Variants in ZNF432 observed in about 807,000 individuals in gnomAD.
ZNF432 encodes the protein zinc finger protein 432.
In ZNF432, 10 loss-of-function variants were observed where a neutral mutation model predicts 13.9. The observed-to-expected ratio is 0.72, with a 90% confidence interval of 0.44 to 1.22. The LOEUF is 1.22. ZNF432 is among the 50% of genes most tolerant of loss of function. The pLI is 0.00. For missense variants in ZNF432, 793 were observed against 796.2 expected (o/e 1.00, Z 0.05); for synonymous variants, 247 against 256.2 (o/e 0.96, Z 0.34).
At chr19:52,048,184 A>ACACACACACACACACACAC (rs1568525403) in intron 1 of ZNF432, among the ~76,000 whole-genome samples, 35 of 56,098 alleles carry the variant, frequency 6.2e-4, no homozygotes, top group African/African-American at 1.2e-3. Context: ...CACACACACA[A>ACACACACACACACACACAC]AACCAGCCAG....
Position 52,035,364 on chromosome 19 carries a change from A to T in ZNF432, c.315T>A (p.His105Gln). 1 of 1,610,072 alleles carries T rather than the reference A, an allele frequency of 6.2e-7. No individual in the cohort carries two copies. Among genetic ancestry groups the T allele is most frequent in the South Asian group, 1.1e-5 (1 of 89,778 alleles). Residue 105 changes from histidine to glutamine, a missense_variant, in exon 5 of 5, where the codon CAT becomes CAA. Coordinates refer to ENST00000221315, the MANE Select transcript of ZNF432 (RefSeq NM_014650.4). ...CAGTATTTCCAAATGCATTATGTTC[A>T]TGGTATTGTTCCACACTCTTCAGCA... ...QRMLKSVEQYHEHNAFGNTAS... is the reference protein window; with the variant it reads ...QRMLKSVEQYQEHNAFGNTAS...
chr19:52,046,007 C>CA (rs201110474), intron 2 of ZNF432, among the ~76,000 whole-genome samples: 21,152 of 86,808 alleles, frequency 0.24, 2,117 homozygotes, highest in African/African-American at 0.38. Flanking sequence ...AAACAAAAAC[C>CA]AAAAAAAAAA....
chr19:52,045,386 C>A (rs1454184161), intron 2 of ZNF432, among the ~76,000 whole-genome samples: 1 of 101,696 alleles, frequency 9.8e-6, no homozygotes, highest in Non-Finnish European at 1.8e-5. Context: ...GACGGAGTTT[C>A]GCTCTTGTTG....
chr19:52,042,112 T>G (rs1455542138), intron 2 of ZNF432, among the ~76,000 whole-genome samples: 1 of 152,198 alleles, frequency 6.6e-6, no homozygotes, highest in Non-Finnish European at 1.5e-5. Context: ...GAAACATACA[T>G]TAAATATATA....
chr19:52,043,830 G>A (rs1419113950), intron 2 of ZNF432, among the ~76,000 whole-genome samples: 1 of 152,168 alleles, frequency 6.6e-6, no homozygotes, highest in African/African-American at 2.4e-5. Flanking sequence ...ATGATGCAAA[G>A]ACCTTTGTTC....
Position 52,040,514 on chromosome 19 carries a change from T to C in ZNF432, c.212A>G (p.Asp71Gly). Residue 71 changes from aspartate (D) to glycine (G), a missense_variant, in exon 4 of 5, where the codon GAT (aspartate) becomes GGT (glycine). Coordinates refer to ENST00000221315, the MANE Select transcript of ZNF432 (RefSeq NM_014650.4). ...ERGEEPWTME[D>G]ERHSRICPEN... ...TGGACAGATTCGACTGTGCCTTTCA[T>C]CTTCCATTGTCCATGGTTCTTCTCC... 1 of 1,614,174 alleles carries C rather than the reference T, an allele frequency of 6.2e-7. No individual in the cohort carries two copies. Among genetic ancestry groups the C allele is most frequent in the East Asian group, 2.2e-5 (1 of 44,870 alleles).
rs2087192599 is a variant in ZNF432, at chr19:52,047,158, G to A, written c.-192-98C>T. On this transcript the variant is annotated intron_variant, in intron 1 of 4. Coordinates refer to ENST00000221315, the MANE Select transcript of ZNF432 (RefSeq NM_014650.4). ...GTTCTCTCAAACCAAGGAAACACAA[G>A]ACCCTCAATGTAGGCCAAATGCCTT... The A allele has an allele frequency of 7.4e-6, 3 of 406,586 alleles. No individual in the cohort carries two copies. The South Asian group carries it at 2.5e-4, about 34-fold the overall frequency. 25.2% of individuals were successfully genotyped at this position (406,586 alleles called of 1,614,324 possible).
At chr19:52,040,421 A>G in intron 4 of ZNF432, 67 bp downstream of exon 4, 1 of 1,377,228 alleles carries the variant, frequency 7.3e-7, no homozygotes, top group Middle Eastern at 1.8e-4. Context: ...CTGTGTCCTC[A>G]GACACCCACA....
Position 52,035,340 on chromosome 19 carries a change from A to G in ZNF432, c.339T>C (p.Thr113=). ...GACAAAGGCTTTTGGTTTGAGAGGCAGTATTTCCAAATGCATTATGTTCAT... is the reference window on the plus strand; with the variant it reads ...GACAAAGGCTTTTGGTTTGAGAGGCGGTATTTCCAAATGCATTATGTTCAT... ...QYHEHNAFGN[T]ASQTKSLCLF... is the part of the protein sequence containing the mutation. Residue 113 remains threonine, a synonymous_variant, in exon 5 of 5, where the codon ACT becomes ACC. Transcript: ENST00000221315. 2 of 1,612,548 alleles carry G rather than the reference A, an allele frequency of 1.2e-6. No individual in the cohort carries two copies. Among genetic ancestry groups the G allele is most frequent in the Non-Finnish European group, 1.7e-6 (2 of 1,179,640 alleles).
Position 52,033,810 on chromosome 19 carries a change from T to G in ZNF432, c.1869A>C (p.Lys623Asn). ...IVHQRTHTGE[K>N]PFVCSECRKA... ...TTCTACATTCACTGCATACAAAGGG[T>G]TTCTCTCCTGTATGAGTTCGTTGAT... The change falls in exon 5 of 5, where the codon AAA (lysine) becomes AAC (asparagine). Residue 623 changes from lysine to asparagine, a missense_variant. Lys to Asn is a moderately conservative substitution (Grantham distance 94, BLOSUM62 0). Coordinates refer to ENST00000221315, the MANE Select transcript of ZNF432 (RefSeq NM_014650.4). 6.2e-7 allele frequency: 1 copy of G among 1,613,780 alleles called. No homozygotes were observed. Among genetic ancestry groups the G allele is most frequent in the Non-Finnish European group, 8.5e-7 (1 of 1,179,942 alleles).
intron 1 of ZNF432, among the ~76,000 whole-genome samples, chr19:52,047,667 A>G (rs1227659853): frequency 6.8e-6 from 1 of 146,542 alleles, no homozygotes; most frequent in Non-Finnish European, 1.5e-5. Context: ...GCAAGACTCC[A>G]TCTCAAAAAA....
At chr19:52,044,336 A>G (rs1015633784) in intron 2 of ZNF432, among the ~76,000 whole-genome samples, 4 of 152,168 alleles carry the variant, frequency 2.6e-5, no homozygotes, top group South Asian at 2.1e-4. Context: ...AACCTGTGGA[A>G]GCAGAAGCAA....
chr19:52,044,335 A>T (rs1005545590), intron 2 of ZNF432, among the ~76,000 whole-genome samples: 4 of 152,168 alleles, frequency 2.6e-5, no homozygotes, highest in African/African-American at 9.7e-5. Flanking sequence ...GAACCTGTGG[A>T]AGCAGAAGCA....
Position 52,043,872 on chromosome 19 carries a change from T to C in ZNF432, c.16-2266A>G, listed in dbSNP as rs527737319. Among the ~76,000 whole-genome samples, 415 of 152,300 alleles carry C rather than the reference T, an allele frequency of 2.7e-3. 1 individual carries two copies. Among genetic ancestry groups the C allele is most frequent in the African/African-American group, 9.8e-3 (406 of 41,572 alleles). ...TTGTCTGCTGACCCTCTCCCCACTA[T>C]TGTCTTGTGACCCTGCCACATCCCC... is the stretch of plus-strand genomic sequence containing the variant. On this transcript the variant is annotated intron_variant, in intron 2 of 4. Transcript: ENST00000221315.
At position 52,042,346 on chromosome 19, in the gene ZNF432, C is replaced by A. The variant is rs142893159; in HGVS notation, c.16-740G>T. On this transcript the variant is annotated intron_variant, in intron 2 of 4. Transcript: ENST00000221315. Reference sequence around the variant, plus strand: ...GGCGGATAGCTTGAGCTCAGGAGTTCAAGACCAGCCTGGGAAACATGGTGA... The same window carrying A: ...GGCGGATAGCTTGAGCTCAGGAGTTAAAGACCAGCCTGGGAAACATGGTGA... Among the ~76,000 whole-genome samples the A allele has an allele frequency of 3.7e-3, 565 of 152,050 alleles. 6 individuals carry two copies. Among genetic ancestry groups the A allele is most frequent in the African/African-American group, 0.013 (541 of 41,466 alleles).
chr19:52,041,014 G>A (rs942042389), intron 3 of ZNF432, among the ~76,000 whole-genome samples: 5 of 152,000 alleles, frequency 3.3e-5, no homozygotes, highest in African/African-American at 1.2e-4. Context: ...TGAGGCAGGA[G>A]GAACACTTGA....
At chr19:52,041,365 A>G (rs538778687) in intron 3 of ZNF432, 115 bp downstream of exon 3, 1 of 1,348,546 alleles carries the variant, frequency 7.4e-7, no homozygotes, top group South Asian at 1.7e-5. Context: ...AAGCCAGAGG[A>G]TGTGCCAAAA....
intron 1 of ZNF432, among the ~76,000 whole-genome samples, chr19:52,048,168 CACACACACACACACAA>C (rs1226398630): frequency 1.4e-5 from 2 of 144,318 alleles, no homozygotes; most frequent in African/African-American, 5.8e-5. Flanking sequence ...CACACACACA[CACACACACACACACAA>C]AACCAGCCAG....
Position 52,033,563 on chromosome 19 carries a change from T to G in ZNF432, c.*157A>C. ...AGAGCCTGAATTCATGTTGAAGCCTTTCTGACATTGATAGCATTCATCCTA... is the reference window on the plus strand; with the variant it reads ...AGAGCCTGAATTCATGTTGAAGCCTGTCTGACATTGATAGCATTCATCCTA... On this transcript the variant is annotated 3_prime_UTR_variant, in exon 5 of 5. Coordinates refer to ENST00000221315, the MANE Select transcript of ZNF432 (RefSeq NM_014650.4). 1.2e-6 allele frequency: 1 copy of G among 814,688 alleles called. No homozygotes were observed. Among genetic ancestry groups the G allele is most frequent in the Non-Finnish European group, 1.8e-6 (1 of 543,514 alleles). The allele number at this position is 814,688 out of a possible 1,614,324, so 50.5% of individuals were successfully genotyped here.
Sources: gnomAD v4.1 joint callset for allele counts (sites outside exome capture counted in the v4.1 genomes callset) on GRCh38, gnomAD v4.1.1 for gene constraint, MANE v1.5 for transcripts, NCBI Gene and HGNC (gene_info 2026-07-23, HGNC 2026-07-21) for gene names.